The following KCNMB2 variants were observed in gnomAD, a reference collection of about 807,000 sequenced individuals.
The protein encoded by KCNMB2 is potassium calcium-activated channel subfamily M regulatory beta subunit 2.
A neutral mutation model predicts 24.5 loss-of-function variants in KCNMB2; 9 were observed. The observed-to-expected ratio is 0.37, with a 90% CI of 0.22 to 0.64. The LOEUF is 0.64. Ranked by LOEUF, KCNMB2 falls within the 30% of genes least tolerant of loss-of-function variation. KCNMB2 has a pLI of 0.63. For synonymous variants in KCNMB2, 109 were observed against 104.4 expected (o/e 1.04, Z -0.27); for missense variants, 226 against 284.3 (o/e 0.79, Z 1.47).
intron 4 of KCNMB2, 133 bp from the exon 5 acceptor site, chr3:178,842,520 C>T: frequency 1.6e-6 from 1 of 613,152 alleles, no homozygotes; most frequent in Non-Finnish European, 2.9e-6. Flanking sequence ...CCAAAGGCAC[C>T]AGTTTGAATA....
chr3:178,585,222 A>C (rs1204739805), intron 1 of KCNMB2, among the ~76,000 whole-genome samples: 1 of 152,236 alleles, frequency 6.6e-6, no homozygotes, highest in East Asian at 1.9e-4. Context: ...GAACTTGTTA[A>C]GAACAGCATC....
chr3:178,744,913 A>C (rs1011479853), intron 1 of KCNMB2, among the ~76,000 whole-genome samples: 6 of 152,192 alleles, frequency 3.9e-5, no homozygotes, highest in Admixed American at 3.9e-4. Context: ...GTGGAAGGTA[A>C]TGGTGAACAA....
chr3:178,567,426 A>G (rs890475827), intron 1 of KCNMB2, among the ~76,000 whole-genome samples: 3 of 152,174 alleles, frequency 2.0e-5, no homozygotes, highest in Non-Finnish European at 4.4e-5. Context: ...GAAGGTATTC[A>G]ATAAATGATC....
At chr3:178,701,932 G>A (rs149152629) in intron 1 of KCNMB2, among the ~76,000 whole-genome samples, 1 of 152,052 alleles carries the variant, frequency 6.6e-6, no homozygotes, top group South Asian at 2.1e-4. Context: ...GGTATACTGG[G>A]TATATACCCA....
At position 178,615,342 on chromosome 3, in the gene KCNMB2, CTGTCCTTCCCTTCAGGA is replaced by C. The variant is rs578160337; in HGVS notation, c.-68+78634_-68+78650del. Among the ~76,000 whole-genome samples, 876 of 152,364 alleles carry C rather than the reference CTGTCCTTCCCTTCAGGA, an allele frequency of 5.7e-3. 4 individuals carry two copies. Among genetic ancestry groups the C allele is most frequent in the Non-Finnish European group, 7.5e-3 (513 of 68,038 alleles). ...GCAGGTGGCAAAGCCAGCCAGTCCT[CTGTCCTTCCCTTCAGGA>C]TGGTGAATTCCCCCAGGCCCCAAGT... On this transcript the variant is annotated intron_variant, in intron 1 of 4. Coordinates refer to ENST00000452583, the MANE Select transcript of KCNMB2 (RefSeq NM_181361.3).
intron 1 of KCNMB2, among the ~76,000 whole-genome samples, chr3:178,683,645 C>T (rs1721353151): frequency 6.6e-6 from 1 of 152,166 alleles, no homozygotes; most frequent in Admixed American, 6.5e-5. Flanking sequence ...TGCTCAGTGG[C>T]CATATGTACC....
chr3:178,761,721 T>C (rs1378963833), intron 1 of KCNMB2, among the ~76,000 whole-genome samples: 1 of 152,160 alleles, frequency 6.6e-6, no homozygotes, highest in Non-Finnish European at 1.5e-5. Context: ...TAGTAGCTGC[T>C]GGGAGCTATG....
At chr3:178,789,170 A>G (rs1045830471) in intron 1 of KCNMB2, among the ~76,000 whole-genome samples, 3 of 152,244 alleles carry the variant, frequency 2.0e-5, no homozygotes. Flanking sequence ...AAGGACAGGT[A>G]CATTATTTAA....
At chr3:178,599,240 A>G (rs1362669356) in intron 1 of KCNMB2, among the ~76,000 whole-genome samples, 1 of 152,184 alleles carries the variant, frequency 6.6e-6, no homozygotes, top group Non-Finnish European at 1.5e-5. Context: ...GCTTTTTAAA[A>G]TATTTGCTTA....
At chr3:178,627,810 G>T (rs1035487116) in intron 1 of KCNMB2, among the ~76,000 whole-genome samples, 1 of 152,056 alleles carries the variant, frequency 6.6e-6, no homozygotes, top group Admixed American at 6.5e-5. Context: ...TGTATTATGG[G>T]GACAGCAACC....
chr3:178,744,158 C>T (rs553918571), intron 1 of KCNMB2, among the ~76,000 whole-genome samples: 4 of 152,248 alleles, frequency 2.6e-5, no homozygotes, highest in Admixed American at 2.0e-4. Context: ...GTTAATAACA[C>T]GGTATTTCAT....
At chr3:178,628,629 T>C (rs1305839149) in intron 1 of KCNMB2, among the ~76,000 whole-genome samples, 4 of 152,152 alleles carry the variant, frequency 2.6e-5, no homozygotes, top group Non-Finnish European at 5.9e-5. Context: ...AGAATCATTA[T>C]GGGAAGATGC....
At chr3:178,618,700 A>G (rs7616098) in intron 1 of KCNMB2, among the ~76,000 whole-genome samples, 6,692 of 152,278 alleles carry the variant, frequency 0.044, 458 homozygotes, top group African/African-American at 0.15. Flanking sequence ...CCATTTTTCC[A>G]TCTTTCTACT....
At chr3:178,705,717 A>AC (rs1277879718) in intron 1 of KCNMB2, among the ~76,000 whole-genome samples, 1 of 152,210 alleles carries the variant, frequency 6.6e-6, no homozygotes, top group Non-Finnish European at 1.5e-5. Context: ...ACCTTTAAAA[A>AC]TTATTGTTAT....
chr3:178,688,543 CT>C (rs1360629625), intron 1 of KCNMB2, among the ~76,000 whole-genome samples: 3 of 152,106 alleles, frequency 2.0e-5, no homozygotes, highest in Admixed American at 6.5e-5. Flanking sequence ...CATAACAATG[CT>C]TTTTCACTTG....
intron 1 of KCNMB2, among the ~76,000 whole-genome samples, chr3:178,542,970 G>A (rs115482392): frequency 0.017 from 2,559 of 152,236 alleles, 32 homozygotes; most frequent in Non-Finnish European, 0.022. Context: ...CTGTGCCCAG[G>A]TGTTAGCACC....
chr3:178,767,385 G>T (rs1712166865), intron 1 of KCNMB2, among the ~76,000 whole-genome samples: 1 of 152,176 alleles, frequency 6.6e-6, no homozygotes, highest in Non-Finnish European at 1.5e-5. Context: ...GGAAAGGTAT[G>T]AATCAAATTC....
chr3:178,547,524 T>G (rs540075661), intron 1 of KCNMB2, among the ~76,000 whole-genome samples: 19 of 152,196 alleles, frequency 1.2e-4, no homozygotes, highest in Non-Finnish European at 2.2e-4. Flanking sequence ...GTATGCTCAC[T>G]GCCTCTATTT....
chr3:178,805,216 T>C (rs577075634), intron 1 of KCNMB2, among the ~76,000 whole-genome samples: 8 of 152,310 alleles, frequency 5.3e-5, no homozygotes, highest in African/African-American at 1.9e-4. Flanking sequence ...CAGTCTCTGT[T>C]CCCCATAGCT....
Sources: allele counts gnomAD v4.1 joint callset (sites outside exome capture counted in the v4.1 genomes callset), GRCh38; gene constraint gnomAD v4.1.1; transcripts MANE v1.5; gene names NCBI Gene and HGNC (gene_info 2026-07-23, HGNC 2026-07-21).